The following L3MBTL1 variants were observed in gnomAD, a reference collection of about 807,000 sequenced individuals.
The protein encoded by L3MBTL1 is L3MBTL histone methyl-lysine binding protein 1.
In L3MBTL1, 75 loss-of-function variants were observed where a neutral mutation model predicts 105.3. That is an observed-to-expected ratio of 0.71 (90% CI 0.59 to 0.86). The LOEUF is 0.86. L3MBTL1 is among the 40% of genes least tolerant of loss of function. The probability of loss-of-function intolerance (pLI) is 0.00; values close to 1 mark genes in which losing one functional copy is unlikely to be tolerated. For synonymous variants in L3MBTL1, 452 were observed against 436.2 expected, an observed-to-expected ratio of 1.04 and a Z score of -0.45; for missense variants, 1,069 against 1,126.4, an observed-to-expected ratio of 0.95 and a Z score of 0.73.
intron 7 of L3MBTL1, among the ~76,000 whole-genome samples, chr20:43,526,538 G>A (rs2019043067): frequency 6.6e-6 from 1 of 152,200 alleles, no homozygotes; most frequent in Non-Finnish European, 1.5e-5. Context: ...TTTCCGCGTA[G>A]GTCCTTGAGA....
At chr20:43,533,468 C>T (rs376826373) in intron 13 of L3MBTL1, 50 bp downstream of exon 13, 59 of 1,515,164 alleles carry the variant, frequency 3.9e-5, no homozygotes, top group Non-Finnish European at 5.3e-5. Flanking sequence ...GGCTCTGCTT[C>T]CCTCTCCACT....
rs778686942 is a variant in L3MBTL1, at chr20:43,530,265, A to C, written c.1057-19A>C. 1 of 1,613,268 alleles carries C rather than the reference A, an allele frequency of 6.2e-7. No individual in the cohort carries two copies. The highest frequency in any genetic ancestry group is 8.5e-7 in the Non-Finnish European group (1 of 1,179,674). ...GCATCTCCTGACATTGGAGTTCCTG[A>C]TTCCCCTCATGGGGCCAGGTATGTG... On this transcript the variant is annotated intron_variant, in intron 9 of 21. Transcript: ENST00000418998.
intron 10 of L3MBTL1, 76 bp from the exon 11 acceptor site, chr20:43,530,722 C>G: frequency 2.2e-6 from 3 of 1,365,412 alleles, no homozygotes; most frequent in Non-Finnish European, 3.1e-6. Context: ...CCTGATTCTG[C>G]TGCTTCACTG....
In L3MBTL1 at chr20:43,514,651, A is replaced by G; in HGVS notation, c.377A>G (p.Tyr126Cys). ...GCGCTCCAGTTCCGGATAAGCGAGTATAAGCCGCTGAACATGGCGGGAGTG... is the reference window on the plus strand; with the variant it reads ...GCGCTCCAGTTCCGGATAAGCGAGTGTAAGCCGCTGAACATGGCGGGAGTG... Reference protein sequence around the residue: ...GGGLRFRISEYKPLNMAGVEQ... With the variant: ...GGGLRFRISECKPLNMAGVEQ... The change falls in exon 4 of 22, where the codon TAT becomes TGT. Residue 126 changes from tyrosine to cysteine, a missense_variant. Tyr to Cys is a radical substitution (Grantham distance 194). Transcript: ENST00000418998. 1 of 1,597,804 alleles carries G rather than the reference A, an allele frequency of 6.3e-7. No homozygotes were observed. Among genetic ancestry groups the G allele is most frequent in the Admixed American group, 1.7e-5 (1 of 57,414 alleles).
chr20:43,516,208 G>T (rs2018384023), intron 7 of L3MBTL1, 31 bp downstream of exon 7: 1 of 1,539,378 alleles, frequency 6.5e-7, no homozygotes, highest in South Asian at 1.1e-5. Context: ...ATATATTCGT[G>T]TGAGGTGTGT....
chr20:43,534,687 A>G, intron 15 of L3MBTL1, 141 bp from the exon 16 acceptor site: 1 of 640,368 alleles, frequency 1.6e-6, no homozygotes, highest in Non-Finnish European at 2.7e-6. Context: ...GGTGGCCAAG[A>G]CAGATTATTG....
At chr20:43,513,732 A>G in intron 2 of L3MBTL1, 93 bp downstream of exon 2, 2 of 1,540,586 alleles carry the variant, frequency 1.3e-6, no homozygotes, top group Non-Finnish European at 1.8e-6. Context: ...GACCGTTTTC[A>G]CTGTCCTCCA....
chr20:43,530,691 G>A (rs2019290276), intron 10 of L3MBTL1, 107 bp from the exon 11 acceptor site: 1 of 1,055,000 alleles, frequency 9.5e-7, no homozygotes, highest in East Asian at 2.5e-5. Flanking sequence ...CTTGAGGGTT[G>A]GGGGGAGGTC....
chr20:43,523,730 C>CT (rs946709892), intron 7 of L3MBTL1, among the ~76,000 whole-genome samples: 3 of 151,998 alleles, frequency 2.0e-5, no homozygotes, highest in African/African-American at 4.8e-5. Flanking sequence ...TTATTTTTAA[C>CT]TTTTTTTAAA....
At chr20:43,521,483 A>G (rs6030935) in intron 7 of L3MBTL1, among the ~76,000 whole-genome samples, 58,630 of 151,950 alleles carry the variant, frequency 0.39, 11,827 homozygotes, top group African/African-American at 0.51. Flanking sequence ...GCAGGAGGAG[A>G]AAGAAGAATA....
At chr20:43,528,001 T>G (rs1242487769) in intron 7 of L3MBTL1, among the ~76,000 whole-genome samples, 1 of 152,228 alleles carries the variant, frequency 6.6e-6, no homozygotes, top group Non-Finnish European at 1.5e-5. Context: ...CAAGCAATTC[T>G]CCTGCCTCAG....
intron 7 of L3MBTL1, among the ~76,000 whole-genome samples, chr20:43,524,286 T>C (rs776686472): frequency 2.6e-5 from 4 of 152,254 alleles, no homozygotes; most frequent in Non-Finnish European, 4.4e-5. Context: ...GTCATTTTCC[T>C]CTAAATACTG....
In L3MBTL1 at chr20:43,540,173, C is replaced by T. The variant is rs2019841416; in HGVS notation, c.2196C>T (p.His732=). 1.2e-6 allele frequency: 2 copies of T among 1,613,052 alleles called. No homozygotes were observed. The highest frequency in any genetic ancestry group is 1.7e-6 in the Non-Finnish European group (2 of 1,180,034). Residue 732 remains histidine, a synonymous_variant, in exon 20 of 22, where the codon CAC becomes CAT. Transcript: ENST00000418998. The part of the protein sequence containing the change: ...DFQTLTPDVV[H]QSLFMSALSA... ...CAGCCCTCACGCCCGATGTCGTGCA[C>T]CAGTCCCTCTTCATGTCAGCCCTGT...
intron 18 of L3MBTL1, among the ~76,000 whole-genome samples, chr20:43,547,136 G>A (rs1398532251): frequency 3.2e-5 from 4 of 126,696 alleles, no homozygotes; most frequent in Admixed American, 9.7e-5. Flanking sequence ...ACGGAGTCTC[G>A]CTCTGTCGCC....
rs745456044 is a variant in L3MBTL1 at position 43,540,236 on chromosome 20, G to A, written c.2259G>A (p.Glu753=). The change falls in exon 20 of 22, where the codon GAG becomes GAA. Residue 753 remains glutamate (E), a synonymous_variant. Transcript: ENST00000418998. ...HPDRSLSVCW[E]QHCKLLPGVA... ...ACCGCTCACTCTCAGTGTGCTGGGA[G>A]CAGCACTGCAAGCTCCTGCCAGGAG... The A allele has an allele frequency of 6.2e-7, 1 of 1,613,800 alleles. No individual in the cohort carries two copies. Among genetic ancestry groups the A allele is most frequent in the Admixed American group, 1.7e-5 (1 of 60,030 alleles).
rs760258907 is a variant in L3MBTL1 at position 43,541,006 on chromosome 20, G to C, written c.2467G>C (p.Val823Leu). The C allele has an allele frequency of 6.2e-7, 1 of 1,614,188 alleles. No homozygotes were observed. Among genetic ancestry groups the C allele is most frequent in the Non-Finnish European group, 8.5e-7 (1 of 1,180,040 alleles). The change falls in exon 22 of 22, where the codon GTG becomes CTG. Residue 823 changes from valine to leucine, a missense_variant. Val to Leu is a conservative substitution (Grantham distance 32). Transcript: ENST00000418998. ...GACTGTGGCCCAGCTTGGGGACCTTGTGTGCTCAGATCATCTTCAGGAAGG... is the reference window on the plus strand; with the variant it reads ...GACTGTGGCCCAGCTTGGGGACCTTCTGTGCTCAGATCATCTTCAGGAAGG... Reference protein sequence around the residue: ...VWTVAQLGDLVCSDHLQEGKG... With the variant: ...VWTVAQLGDLLCSDHLQEGKG...
intron 1 of L3MBTL1, among the ~76,000 whole-genome samples, chr20:43,509,339 C>G (rs1426789919): frequency 6.6e-6 from 1 of 152,164 alleles, no homozygotes; most frequent in African/African-American, 2.4e-5. Flanking sequence ...ACCCTCCCAC[C>G]TCAGCCTCCC....
chr20:43,510,360 G>A (rs928071250), intron 1 of L3MBTL1, among the ~76,000 whole-genome samples: 2 of 151,190 alleles, frequency 1.3e-5, no homozygotes, highest in African/African-American at 4.9e-5. Flanking sequence ...AATTGGAATT[G>A]AAATTCAGGG....
At position 43,522,767 on chromosome 20, in the gene L3MBTL1, C is replaced by T. The variant is rs1263538415; in HGVS notation, c.863-5890C>T. On this transcript the variant is annotated intron_variant, in intron 7 of 21. Coordinates refer to ENST00000418998, the MANE Select transcript of L3MBTL1 (RefSeq NM_001377303.1). ...GATTACAGGCATGAGCCACTGTGCCCGGCCAACGGTGTCTTTTTTTTTTTT... is the reference window on the plus strand; with the variant it reads ...GATTACAGGCATGAGCCACTGTGCCTGGCCAACGGTGTCTTTTTTTTTTTT... 5.4e-5 allele frequency among the ~76,000 whole-genome samples: 8 copies of T among 148,120 alleles called. No homozygotes were observed. In the East Asian group the frequency reaches 1.0e-3, roughly 19 times the overall value.
Sources: gnomAD v4.1 joint callset for allele counts (sites outside exome capture counted in the v4.1 genomes callset) on GRCh38, gnomAD v4.1.1 for gene constraint, MANE v1.5 for transcripts, NCBI Gene and HGNC (gene_info 2026-07-23, HGNC 2026-07-21) for gene names.